Variants in ITSN1 observed in about 807,000 individuals in gnomAD.
ITSN1 encodes the protein intersectin 1, also known as intersectin-1.
Under a neutral mutation model 239.8 loss-of-function variants are expected in ITSN1, and 58 were observed. The observed-to-expected ratio is 0.24, with a 90% confidence interval of 0.20 to 0.30. ITSN1 has a LOEUF of 0.30. Among genes scored for constraint, ITSN1 ranks in the 10% least tolerant of loss-of-function variants. The pLI is 1.00. For synonymous variants in ITSN1, 780 were observed against 770.8 expected, an observed-to-expected ratio of 1.01 and a Z score of -0.20; for missense variants, 1,558 against 2,103.3, an observed-to-expected ratio of 0.74 and a Z score of 5.07.
chr21:33,702,117 T>A (rs1568975064), intron 1 of ITSN1, among the ~76,000 whole-genome samples: 1 of 148,440 alleles, frequency 6.7e-6, no homozygotes, highest in African/African-American at 2.5e-5. Context: ...TTTTTTTTTT[T>A]TTTTTTTTTT....
intron 33 of ITSN1, among the ~76,000 whole-genome samples, chr21:33,875,086 T>C (rs926648358): frequency 1.3e-5 from 2 of 152,220 alleles, no homozygotes; most frequent in Admixed American, 6.5e-5. Context: ...TAGCTTGCCC[T>C]GGACATTCAG....
At chr21:33,688,342 G>A (rs542403101) in intron 1 of ITSN1, among the ~76,000 whole-genome samples, 3 of 152,100 alleles carry the variant, frequency 2.0e-5, no homozygotes, top group East Asian at 1.9e-4. Context: ...CCAAACATTC[G>A]TAGGACTACA....
At chr21:33,696,767 A>C (rs1294415521) in intron 1 of ITSN1, among the ~76,000 whole-genome samples, 4 of 152,060 alleles carry the variant, frequency 2.6e-5, no homozygotes, top group Non-Finnish European at 1.5e-5. Flanking sequence ...CTTTCTATGT[A>C]GTTTCTTCTT....
rs1985070248 is a variant in ITSN1, at chr21:33,882,350, C to T, written c.4449C>T (p.Phe1483=). ...ACAAGGAGCTGTATGGCTTCCTTTT[C>T]AACGACTTCCTCCTGCTGACTCAGA... ...KSNKELYGFL[F]NDFLLLTQIT... Residue 1483 remains phenylalanine, a synonymous_variant, in exon 35 of 40, where the codon TTC becomes TTT. Transcript: ENST00000381318. This position sits in a 1 kb window ranked among gnomAD's most constrained non-coding sequence, Gnocchi z 4.5. 6.2e-7 allele frequency: 1 copy of T among 1,614,084 alleles called. No individual in the cohort carries two copies. The highest frequency in any genetic ancestry group is 1.3e-5 in the African/African-American group (1 of 74,926).
intron 1 of ITSN1, among the ~76,000 whole-genome samples, chr21:33,645,653 A>C (rs1030430761): frequency 6.6e-6 from 1 of 152,186 alleles, no homozygotes. Flanking sequence ...GCCTGTGTCC[A>C]AAAAGTAAGT....
In ITSN1 at chr21:33,797,647, C is replaced by T. The variant is rs1234259793; in HGVS notation, c.2182+39C>T. On this transcript the variant is annotated intron_variant, in intron 18 of 39. Transcript: ENST00000381318. The surrounding 1 kb of genome is among the most constrained non-coding windows in gnomAD (Gnocchi z 4.9). ...AAAATAATTATAGAAAATAAGTCAT[C>T]TTCTCTCCCAGAGCCTCCTGAAAAA... 1 of 1,552,132 alleles carries T rather than the reference C, an allele frequency of 6.4e-7. No individual in the cohort carries two copies. Among genetic ancestry groups the T allele is most frequent in the Admixed American group, 1.7e-5 (1 of 58,530 alleles).
At chr21:33,853,159 C>A (rs1479699933) in intron 29 of ITSN1, among the ~76,000 whole-genome samples, 2 of 152,342 alleles carry the variant, frequency 1.3e-5, no homozygotes, top group Admixed American at 6.5e-5. Flanking sequence ...AAGACTCTCC[C>A]CACAAAACTT....
At chr21:33,877,825 TTG>T (rs3835379) in intron 34 of ITSN1, among the ~76,000 whole-genome samples, 1,870 of 147,204 alleles carry the variant, frequency 0.013, 16 homozygotes, top group East Asian at 0.044. Flanking sequence ...TGTTTCTATT[TTG>T]TGTGTGTGTG....
intron 29 of ITSN1, chr21:33,837,638 C>G: frequency 1.0e-6 from 1 of 985,892 alleles, no homozygotes; most frequent in Non-Finnish European, 1.2e-6. Flanking sequence ...TCAGCTGTAC[C>G]TTGTTGAGCA....
At chr21:33,758,757 C>T (rs2068089197) in intron 8 of ITSN1, among the ~76,000 whole-genome samples, 1 of 152,230 alleles carries the variant, frequency 6.6e-6, no homozygotes, top group Non-Finnish European at 1.5e-5. Flanking sequence ...TAGTTACTCT[C>T]TCCTTTCTAG....
intron 11 of ITSN1, among the ~76,000 whole-genome samples, chr21:33,769,622 C>T (rs1276146359): frequency 2.6e-5 from 4 of 152,170 alleles, no homozygotes; most frequent in East Asian, 1.9e-4. Flanking sequence ...TTTTTGCTCA[C>T]ATGGGATTTC....
intron 21 of ITSN1, 26 bp from the exon 22 acceptor site, chr21:33,813,887 T>C (rs753381917): frequency 6.2e-7 from 1 of 1,610,168 alleles, no homozygotes; most frequent in African/African-American, 1.3e-5. Flanking sequence ...TGCTTGTTAT[T>C]CATGGTGTTG....
rs1986785226 is a variant in ITSN1 at position 33,896,443 on chromosome 21, C to T, written c.*8143C>T. On this transcript the variant is annotated 3_prime_UTR_variant, in exon 40 of 40. Transcript: ENST00000381318. ...TCATAGAAGTGCTCAGTGTCCCTTC[C>T]CCAGTGGCTGGACACTTGCTCCTCC... is the stretch of plus-strand genomic sequence containing the variant. The T allele has an allele frequency of 1.3e-5, 2 of 152,426 alleles. No individual in the cohort carries two copies. The highest frequency in any genetic ancestry group is 3.4e-3 in the Middle Eastern group (1 of 294). The allele number at this position is 152,426 out of a possible 1,614,324, so 9.4% of individuals were successfully genotyped here. A position where few individuals can be genotyped will look rare whatever the true frequency, so the allele number is the denominator to read the frequency against.
In ITSN1 at chr21:33,867,258, A is replaced by T. The variant is rs56279221; in HGVS notation, c.4100A>T (p.Lys1367Ile). The change falls in exon 33 of 40, where the codon AAA becomes ATA. Residue 1367 changes from lysine to isoleucine, a missense_variant. Physicochemically the swap from Lys to Ile is moderately radical, Grantham distance 102. Transcript: ENST00000381318. ...VKRLAMDPRC[K>I]GMPLSSFILK... is the part of the protein sequence containing the mutation. Reference sequence around the variant, plus strand: ...AGATTGGCAATGGATCCTCGGTGTAAAGGGATGCCACTCTCTAGTTTTATA... The same window carrying T: ...AGATTGGCAATGGATCCTCGGTGTATAGGGATGCCACTCTCTAGTTTTATA... 6.2e-7 allele frequency: 1 copy of T among 1,609,200 alleles called. No homozygotes were observed. Among genetic ancestry groups the T allele is most frequent in the Non-Finnish European group, 8.5e-7 (1 of 1,175,638 alleles).
chr21:33,867,861 G>C (rs557913438), intron 33 of ITSN1, among the ~76,000 whole-genome samples: 2 of 150,134 alleles, frequency 1.3e-5, no homozygotes, highest in African/African-American at 4.9e-5. Flanking sequence ...GCAGACCTTC[G>C]CGGTGAGTGT....
Position 33,755,715 on chromosome 21 carries a change from G to A in ITSN1, c.724+318G>A, listed in dbSNP as rs138075153. On this transcript the variant is annotated intron_variant, in intron 8 of 39. Coordinates refer to ENST00000381318, the MANE Select transcript of ITSN1 (RefSeq NM_003024.3). ...AACTAGCTTCAACTTCTGAAGTCCA[G>A]CTTTGAACTTGATGAACTTGAAGCT... Among the ~76,000 whole-genome samples, 557 of 152,312 alleles carry A rather than the reference G, an allele frequency of 3.7e-3. 2 individuals carry two copies. Among genetic ancestry groups the A allele is most frequent in the African/African-American group, 0.013 (527 of 41,568 alleles).
intron 29 of ITSN1, chr21:33,837,655 A>C: frequency 1.0e-6 from 1 of 985,918 alleles, no homozygotes; most frequent in Non-Finnish European, 1.2e-6. Context: ...AGCATGTAAT[A>C]CATCCTGTAC....
At chr21:33,699,344 AC>A (rs759694891) in intron 1 of ITSN1, among the ~76,000 whole-genome samples, 8 of 152,210 alleles carry the variant, frequency 5.3e-5, no homozygotes, top group Non-Finnish European at 8.8e-5. Context: ...TACACTTATT[AC>A]CTTAGTACCA....
rs116782661 is a variant in ITSN1, at chr21:33,724,585, C to T, written c.185+1934C>T. On this transcript the variant is annotated intron_variant, in intron 4 of 39. Transcript: ENST00000381318. ...GGATTATGCTTTTGTGTTATATTCC[C>T]AATTTTTCAAAGTTCATTTATTCTT... Among the ~76,000 whole-genome samples, 558 of 152,234 alleles carry T rather than the reference C, an allele frequency of 3.7e-3. 2 individuals carry two copies. The highest frequency in any genetic ancestry group is 0.013 in the African/African-American group (528 of 41,536).
Sources: gnomAD v4.1 joint callset for allele counts (sites outside exome capture counted in the v4.1 genomes callset) on GRCh38, gnomAD v4.1.1 for gene constraint, Gnocchi (gnomAD v3.1) non-coding constraint, MANE v1.5 for transcripts, NCBI Gene and HGNC (gene_info 2026-07-23, HGNC 2026-07-21) for gene names.